The following ZNF804A variants were observed in gnomAD, a reference collection of about 807,000 sequenced individuals.
ZNF804A encodes the protein zinc finger protein 804A.
Under a neutral mutation model 16.5 loss-of-function variants are expected in ZNF804A, and 2 were observed. The observed-to-expected ratio is 0.12, with a 90% CI of 0.05 to 0.38. ZNF804A has a LOEUF of 0.38. ZNF804A is among the 10% of genes least tolerant of loss of function. The probability of loss-of-function intolerance (pLI) is 0.99; values close to 1 mark genes in which losing one functional copy is unlikely to be tolerated. For missense variants in ZNF804A, 1,473 were observed against 1,390.7 expected, an observed-to-expected ratio of 1.06 and a Z score of -0.94; for synonymous variants, 534 against 489.6, an observed-to-expected ratio of 1.09 and a Z score of -1.20.
At chr2:184,772,561 G>T (rs1224818794) in intron 1 of ZNF804A, among the ~76,000 whole-genome samples, 1 of 151,698 alleles carries the variant, frequency 6.6e-6, no homozygotes, top group Non-Finnish European at 1.5e-5. Context: ...TTTAGCTATT[G>T]TCAATATTGC....
chr2:184,877,792 C>G (rs1428631683), intron 2 of ZNF804A, among the ~76,000 whole-genome samples: 1 of 151,968 alleles, frequency 6.6e-6, no homozygotes, highest in Non-Finnish European at 1.5e-5. Flanking sequence ...GTTACTTCCC[C>G]TTTGATGATG....
intron 2 of ZNF804A, among the ~76,000 whole-genome samples, chr2:184,899,032 A>T (rs1685133587): frequency 1.3e-5 from 2 of 152,096 alleles, no homozygotes; most frequent in South Asian, 4.1e-4. Context: ...TATATTCATT[A>T]AAATACTTAT....
At chr2:184,604,315 T>C (rs1241327663) in intron 1 of ZNF804A, among the ~76,000 whole-genome samples, 4 of 151,398 alleles carry the variant, frequency 2.6e-5, no homozygotes, top group East Asian at 1.9e-4. Flanking sequence ...GGACTACAGG[T>C]GCCCGCCATC....
chr2:184,829,943 CCA>C (rs112019305), intron 1 of ZNF804A, among the ~76,000 whole-genome samples: 1 of 112,384 alleles, frequency 8.9e-6, no homozygotes, highest in Non-Finnish European at 1.8e-5. Context: ...AAAAAAAAAA[CCA>C]CACACACACA....
At chr2:184,688,118 C>CAAAACA (rs1157268506) in intron 1 of ZNF804A, among the ~76,000 whole-genome samples, 4 of 151,448 alleles carry the variant, frequency 2.6e-5, no homozygotes, top group Non-Finnish European at 5.9e-5. Context: ...GACACTGTCT[C>CAAAACA]AAAACAAAAA....
intron 1 of ZNF804A, among the ~76,000 whole-genome samples, chr2:184,635,495 G>T (rs760369019): frequency 6.6e-6 from 1 of 152,006 alleles, no homozygotes; most frequent in Non-Finnish European, 1.5e-5. Context: ...TATTTATATG[G>T]CAAAAGTATT....
Position 184,892,179 on chromosome 2 carries a change from G to A in ZNF804A, c.255+25667G>A, listed in dbSNP as rs576613065. Among the ~76,000 whole-genome samples, 3 of 152,216 alleles carry A rather than the reference G, an allele frequency of 2.0e-5. No homozygotes were observed. The South Asian group carries it at 6.2e-4, about 32-fold the overall frequency. ...ACACTAATTTTGCTCTTTTCAATGAGATTCTATTACAAAGAATATTAATAT... is the reference window on the plus strand; with the variant it reads ...ACACTAATTTTGCTCTTTTCAATGAAATTCTATTACAAAGAATATTAATAT... On this transcript the variant is annotated intron_variant, in intron 2 of 3. Coordinates refer to ENST00000302277, the MANE Select transcript of ZNF804A (RefSeq NM_194250.2).
intron 2 of ZNF804A, among the ~76,000 whole-genome samples, chr2:184,903,279 A>G (rs1558997886): frequency 6.6e-6 from 1 of 152,158 alleles, no homozygotes; most frequent in African/African-American, 2.4e-5. Flanking sequence ...GCACCACATC[A>G]TGACAGTGGA....
At chr2:184,882,651 T>A (rs542831921) in intron 2 of ZNF804A, among the ~76,000 whole-genome samples, 2 of 152,012 alleles carry the variant, frequency 1.3e-5, no homozygotes, top group Admixed American at 1.3e-4. Flanking sequence ...CAAAACCATA[T>A]AGTTACATGG....
rs886896995 is a variant in ZNF804A, at chr2:184,781,933, C to A, written c.112-84436C>A. ...TAAAAGACTGAGATCAAAGTGTTTG[C>A]AAGATAAATTCTTCTAAGGCCTCTC... On this transcript the variant is annotated intron_variant, in intron 1 of 3. Transcript: ENST00000302277. 1.3e-4 allele frequency among the ~76,000 whole-genome samples: 20 copies of A among 151,946 alleles called. 1 individual carries two copies. Among genetic ancestry groups the A allele is most frequent in the Middle Eastern group, 3.4e-3 (1 of 294 alleles).
intron 1 of ZNF804A, among the ~76,000 whole-genome samples, chr2:184,666,230 CT>C (rs747806391): frequency 9.2e-5 from 14 of 152,018 alleles, no homozygotes; most frequent in Non-Finnish European, 1.9e-4. Flanking sequence ...ATGCAGTGTA[CT>C]TTTTTATAGA....
At chr2:184,843,391 T>C (rs916916362) in intron 1 of ZNF804A, among the ~76,000 whole-genome samples, 3 of 152,006 alleles carry the variant, frequency 2.0e-5, no homozygotes, top group African/African-American at 7.2e-5. Flanking sequence ...GCCTCCTGAG[T>C]AGCTGGGACT....
intron 1 of ZNF804A, among the ~76,000 whole-genome samples, chr2:184,745,029 T>TGAA (rs1559140094): frequency 1.3e-5 from 2 of 151,238 alleles, no homozygotes; most frequent in African/African-American, 2.4e-5. Flanking sequence ...ATTCAGTGGT[T>TGAA]AAAAGTGCCT....
intron 1 of ZNF804A, among the ~76,000 whole-genome samples, chr2:184,773,407 C>T (rs1486631723): frequency 6.6e-6 from 1 of 151,692 alleles, no homozygotes. Context: ...ACCATTAGAC[C>T]ATGAGCAAGA....
At chr2:184,680,224 C>T (rs1692515573) in intron 1 of ZNF804A, among the ~76,000 whole-genome samples, 2 of 151,714 alleles carry the variant, frequency 1.3e-5, no homozygotes, top group African/African-American at 4.8e-5. Context: ...GATGGGATGA[C>T]CTACCTGCGG....
intron 1 of ZNF804A, among the ~76,000 whole-genome samples, chr2:184,850,402 G>A (rs1021808312): frequency 6.6e-5 from 10 of 151,726 alleles, no homozygotes; most frequent in African/African-American, 2.4e-4. Context: ...GAAACTGGCT[G>A]ACTCAATCAG....
chr2:184,832,865 C>A (rs569807544), intron 1 of ZNF804A, among the ~76,000 whole-genome samples: 1 of 152,008 alleles, frequency 6.6e-6, no homozygotes, highest in East Asian at 1.9e-4. Flanking sequence ...TCATCCTTTG[C>A]ACATTGCCAA....
At chr2:184,601,694 TG>T (rs1674713353) in intron 1 of ZNF804A, among the ~76,000 whole-genome samples, 1 of 151,954 alleles carries the variant, frequency 6.6e-6, no homozygotes, top group South Asian at 2.1e-4. Context: ...ATCACATTTT[TG>T]TATTTTGAAT....
At chr2:184,857,607 C>A (rs986074550) in intron 1 of ZNF804A, among the ~76,000 whole-genome samples, 64 of 152,194 alleles carry the variant, frequency 4.2e-4, no homozygotes, top group Non-Finnish European at 7.9e-4. Flanking sequence ...ATATTATAGT[C>A]TATCTCTCCC....
Sources: gnomAD v4.1 joint callset for allele counts (sites outside exome capture counted in the v4.1 genomes callset) on GRCh38, gnomAD v4.1.1 for gene constraint, MANE v1.5 for transcripts, NCBI Gene and HGNC (gene_info 2026-07-23, HGNC 2026-07-21) for gene names.